Variants in MEIOC observed in about 807,000 individuals in gnomAD.
MEIOC encodes meiosis specific with coiled-coil domain.
MEIOC carries 9 observed loss-of-function variants against 85.3 expected under a neutral mutation model. The ratio of observed to expected loss-of-function variants is 0.11; its 90% CI spans 0.06 to 0.18. The LOEUF is 0.18. Ranked by LOEUF, MEIOC falls within the 10% of genes least tolerant of loss-of-function variation. The pLI is 1.00. For missense variants in MEIOC, 898 were observed against 1,129.4 expected (o/e 0.80, Z 2.94); for synonymous variants, 365 against 393.7 (o/e 0.93, Z 0.86).
rs545811410 is a variant in MEIOC, at chr17:44,661,583, G to A, written c.205-734G>A. Among the ~76,000 whole-genome samples the A allele has an allele frequency of 4.3e-4, 66 of 152,030 alleles. 1 individual carries two copies. Among genetic ancestry groups the A allele is most frequent in the East Asian group, 2.5e-3 (13 of 5,158 alleles). ...TTATTTATTTTTGAGACAGAGTCTCGCTCTGTCGCCCAGGATGGAGTACAG... is the reference window on the plus strand; with the variant it reads ...TTATTTATTTTTGAGACAGAGTCTCACTCTGTCGCCCAGGATGGAGTACAG... On this transcript the variant is annotated intron_variant, in intron 2 of 7. Coordinates refer to ENST00000409122, the MANE Select transcript of MEIOC (RefSeq NM_001145080.3).
Position 44,667,073 on chromosome 17 carries a change from G to T in MEIOC, c.1162G>T (p.Asp388Tyr). The T allele has an allele frequency of 6.2e-7, 1 of 1,613,774 alleles. No homozygotes were observed. The highest frequency in any genetic ancestry group is 8.5e-7 in the Non-Finnish European group (1 of 1,179,762). ...GAAAAAAATGGAGGAGACAATCCCTGATCAGCAGAATTTCACATTTCCAAA... is the reference window on the plus strand; with the variant it reads ...GAAAAAAATGGAGGAGACAATCCCTTATCAGCAGAATTTCACATTTCCAAA... ...NQKKMEETIP[D>Y]QQNFTFPKTT... is the part of the protein sequence containing the mutation. Residue 388 changes from aspartate to tyrosine, a missense_variant, in exon 5 of 8, where the codon GAT (aspartate) becomes TAT (tyrosine). By Grantham distance (160) the Asp-to-Tyr change is radical. Around this residue, in one of 2 missense-constraint regions of MEIOC, gnomAD observed 734 missense variants for 860.1 expected, o/e 0.85. Transcript: ENST00000409122.
rs1972061595 is a variant in MEIOC at position 44,675,344 on chromosome 17, C to T, written c.*1148C>T. The T allele has an allele frequency of 2.1e-6, 2 of 967,756 alleles. No homozygotes were observed. The highest frequency in any genetic ancestry group is 2.5e-6 in the Non-Finnish European group (2 of 814,132). The allele number at this position is 967,756 out of a possible 1,614,324, so 59.9% of individuals were successfully genotyped here. On this transcript the variant is annotated 3_prime_UTR_variant, in exon 8 of 8. Transcript: ENST00000409122. Reference sequence around the variant, plus strand: ...TTGTATAGAACTTGAGTAATTTATTCGTTAATATGAAATGTTGGTATTATG... The same window carrying T: ...TTGTATAGAACTTGAGTAATTTATTTGTTAATATGAAATGTTGGTATTATG...
intron 7 of MEIOC, 114 bp from the exon 8 acceptor site, chr17:44,673,862 T>C (rs1220751938): frequency 2.3e-6 from 3 of 1,291,826 alleles, no homozygotes; most frequent in Non-Finnish European, 2.1e-6. Context: ...AACTATCCTT[T>C]TTTTACAAAA....
In MEIOC at chr17:44,667,394, G is replaced by A. The variant is rs1320302349; in HGVS notation, c.1483G>A (p.Gly495Ser). 6.2e-7 allele frequency: 1 copy of A among 1,613,678 alleles called. No individual in the cohort carries two copies. Among genetic ancestry groups the A allele is most frequent in the Non-Finnish European group, 8.5e-7 (1 of 1,179,842 alleles). The change falls in exon 5 of 8, where the codon GGT becomes AGT. Residue 495 changes from glycine (G) to serine (S), a missense_variant. Gly to Ser is a moderately conservative substitution (Grantham distance 56). Coordinates refer to ENST00000409122, the MANE Select transcript of MEIOC (RefSeq NM_001145080.3). ...CACTCCTATTCCTTATCGAAATCAA[G>A]GTAACTTGATGAAATTAAATAGTCA... ...NNTPIPYRNQGNLMKLNSHLS... is the reference protein window; with the variant it reads ...NNTPIPYRNQSNLMKLNSHLS...
Position 44,674,783 on chromosome 17 carries a change from A to T in MEIOC, c.*587A>T, listed in dbSNP as rs1022058632. The T allele has an allele frequency of 1.0e-6, 1 of 982,670 alleles. No individual in the cohort carries two copies. Among genetic ancestry groups the T allele is most frequent in the Admixed American group, 6.1e-5 (1 of 16,292 alleles). 60.9% of individuals were successfully genotyped at this position (982,670 alleles called of 1,614,324 possible). ...ATTTGGAATCTTAATGCCTAGGTAT[A>T]TGGAGGGAAATGCATCTGATTCTCC... is the stretch of plus-strand genomic sequence containing the variant. On this transcript the variant is annotated 3_prime_UTR_variant, in exon 8 of 8. Coordinates refer to ENST00000409122, the MANE Select transcript of MEIOC (RefSeq NM_001145080.3).
intron 5 of MEIOC, 94 bp from the exon 6 acceptor site, chr17:44,669,289 T>G (rs530877127): frequency 1.1e-6 from 1 of 945,642 alleles, no homozygotes; most frequent in East Asian, 2.6e-5. Flanking sequence ...TTTAAAGTGG[T>G]AATACTCTAT....
At chr17:44,673,744 C>G in intron 7 of MEIOC, 198 bp downstream of exon 7, 1 of 711,860 alleles carries the variant, frequency 1.4e-6, no homozygotes, top group Non-Finnish European at 2.3e-6. Flanking sequence ...TGTTTCAAGA[C>G]AGTCTGTGTT....
rs1481990245 is a variant in MEIOC at position 44,657,244 on chromosome 17, G to C, written c.187G>C (p.Asp63His). 2 of 1,551,982 alleles carry C rather than the reference G, an allele frequency of 1.3e-6. No homozygotes were observed. Among genetic ancestry groups the C allele is most frequent in the South Asian group, 1.2e-5 (1 of 84,052 alleles). Residue 63 changes from aspartate to histidine, a missense_variant, in exon 2 of 8, where the codon GAT becomes CAT. Around this residue, in one of 2 missense-constraint regions of MEIOC, gnomAD observed 734 missense variants for 860.1 expected, o/e 0.85. Transcript: ENST00000409122. Reference sequence around the variant, plus strand: ...GTTGACTGGCTCCGCTTCCTTCTACGATTGCTACACATCGCAGGTCCTTTA... The same window carrying C: ...GTTGACTGGCTCCGCTTCCTTCTACCATTGCTACACATCGCAGGTCCTTTA... Reference protein sequence around the residue: ...VMLTGSASFYDCYTSQSEDNV... With the variant: ...VMLTGSASFYHCYTSQSEDNV...
At position 44,675,076 on chromosome 17, in the gene MEIOC, A is replaced by G. The variant is rs775392384; in HGVS notation, c.*880A>G. The G allele has an allele frequency of 6.7e-4, 661 of 984,876 alleles. 1 individual carries two copies. Among genetic ancestry groups the G allele is most frequent in the Non-Finnish European group, 7.8e-4 (645 of 829,760 alleles). The allele number at this position is 984,876 out of a possible 1,614,324, so 61.0% of individuals were successfully genotyped here. On this transcript the variant is annotated 3_prime_UTR_variant, in exon 8 of 8. Coordinates refer to ENST00000409122, the MANE Select transcript of MEIOC (RefSeq NM_001145080.3). ...AGGGTGTCACGAAGTTCTAAAATGT[A>G]TTTTTTTAAAGGTTAATCTCTAACT...
In MEIOC at chr17:44,675,753, T is replaced by C. The variant is rs1274271737; in HGVS notation, c.*1557T>C. 1.0e-6 allele frequency: 1 copy of C among 965,866 alleles called. No homozygotes were observed. Among genetic ancestry groups the C allele is most frequent in the Non-Finnish European group, 1.2e-6 (1 of 812,192 alleles). The allele number at this position is 965,866 out of a possible 1,614,324, so 59.8% of individuals were successfully genotyped here. ...TGTTGGATGTTATAAAAACAAATAC[T>C]GTACTGAATTTAGTCTCAGGAAAAA... On this transcript the variant is annotated 3_prime_UTR_variant, in exon 8 of 8. Coordinates refer to ENST00000409122, the MANE Select transcript of MEIOC (RefSeq NM_001145080.3).
Position 44,675,719 on chromosome 17 carries a change from C to T in MEIOC, c.*1523C>T, listed in dbSNP as rs2144680621. 1 of 979,856 alleles carries T rather than the reference C, an allele frequency of 1.0e-6. No individual in the cohort carries two copies. The highest frequency in any genetic ancestry group is 4.7e-5 in the South Asian group (1 of 21,186). The allele number at this position is 979,856 out of a possible 1,614,324, so 60.7% of individuals were successfully genotyped here. On this transcript the variant is annotated 3_prime_UTR_variant, in exon 8 of 8. Transcript: ENST00000409122. Reference sequence around the variant, plus strand: ...CTGCATAGAAAGTGGTTAAGTTTAACATAAGACATGTTGGATGTTATAAAA... The same window carrying T: ...CTGCATAGAAAGTGGTTAAGTTTAATATAAGACATGTTGGATGTTATAAAA...
At position 44,666,958 on chromosome 17, in the gene MEIOC, T is replaced by C. The variant is rs773332969; in HGVS notation, c.1047T>C (p.Asp349=). 4 of 1,612,268 alleles carry C rather than the reference T, an allele frequency of 2.5e-6. No individual in the cohort carries two copies. In the Admixed American group the frequency reaches 5.0e-5, roughly 20 times the overall value. ...LNKCSNFSVQ[D]SKKLANGTPE... is the part of the protein sequence containing the mutation. ...AATGTTCAAATTTTAGTGTCCAAGA[T>C]AGCAAAAAATTAGCCAATGGCACAC... is the stretch of plus-strand genomic sequence containing the variant. Residue 349 remains aspartate (D), a synonymous_variant, in exon 5 of 8, where the codon GAT becomes GAC. Coordinates refer to ENST00000409122, the MANE Select transcript of MEIOC (RefSeq NM_001145080.3).
intron 7 of MEIOC, 132 bp from the exon 8 acceptor site, chr17:44,673,844 C>A: frequency 1.8e-6 from 2 of 1,094,590 alleles, no homozygotes; most frequent in South Asian, 1.7e-5. Context: ...GACTTTGGTT[C>A]AATCAATAAC....
At chr17:44,656,927 G>A (rs933567180) in intron 1 of MEIOC, among the ~76,000 whole-genome samples, 200 bp from the exon 2 acceptor site, 1 of 151,852 alleles carries the variant, frequency 6.6e-6, no homozygotes, top group Non-Finnish European at 1.5e-5. Flanking sequence ...GGGGAGGGGC[G>A]CCCCTCGGGG....
rs1971856259 is a variant in MEIOC, at chr17:44,662,587, G to A, written c.359+116G>A. On this transcript the variant is annotated intron_variant, in intron 3 of 7. Coordinates refer to ENST00000409122, the MANE Select transcript of MEIOC (RefSeq NM_001145080.3). The stretch of plus-strand genomic sequence containing the variant: ...TCATTTTACTATTGTGGCATTTTGT[G>A]TTTTTCAAACTTTTAGGAAAGTGTA... 18 of 769,264 alleles carry A rather than the reference G, an allele frequency of 2.3e-5. No homozygotes were observed. The South Asian group carries it at 3.6e-4, about 15-fold the overall frequency. 47.7% of individuals were successfully genotyped at this position (769,264 alleles called of 1,614,324 possible). A position where few individuals can be genotyped will look rare whatever the true frequency, so the allele number is the denominator to read the frequency against.
rs1971901729 is a variant in MEIOC at position 44,666,248 on chromosome 17, T to G, written c.465-128T>G. 8.3e-6 allele frequency: 6 copies of G among 724,592 alleles called. No homozygotes were observed. In the Admixed American group the frequency reaches 1.5e-4, roughly 18 times the overall value. 44.9% of individuals were successfully genotyped at this position (724,592 alleles called of 1,614,324 possible). A position where few individuals can be genotyped will look rare whatever the true frequency, so the allele number is the denominator to read the frequency against. On this transcript the variant is annotated intron_variant, in intron 4 of 7. Transcript: ENST00000409122. Reference sequence around the variant, plus strand: ...GCTAATGGTAGCTTATAAAGCAGAGTTGAAAGGGATTAGAGAATGGTGACA... The same window carrying G: ...GCTAATGGTAGCTTATAAAGCAGAGGTGAAAGGGATTAGAGAATGGTGACA...
chr17:44,675,514 A>C lies in MEIOC; in HGVS notation c.*1318A>C. On this transcript the variant is annotated 3_prime_UTR_variant, in exon 8 of 8. Coordinates refer to ENST00000409122, the MANE Select transcript of MEIOC (RefSeq NM_001145080.3). ...CTTAGTTTTAGAAATTCTGGTATTA[A>C]AAAAAAAAAGAGTGTAATCATACCA... is the stretch of plus-strand genomic sequence containing the variant. 1.1e-6 allele frequency: 1 copy of C among 948,802 alleles called. No individual in the cohort carries two copies. Among genetic ancestry groups the C allele is most frequent in the Non-Finnish European group, 1.3e-6 (1 of 799,546 alleles). The allele number at this position is 948,802 out of a possible 1,614,324, so 58.8% of individuals were successfully genotyped here.
In MEIOC at chr17:44,674,368, C is replaced by T; in HGVS notation, c.*172C>T. The T allele has an allele frequency of 7.1e-7, 1 of 1,398,778 alleles. No individual in the cohort carries two copies. Among genetic ancestry groups the T allele is most frequent in the Non-Finnish European group, 9.3e-7 (1 of 1,077,762 alleles). 86.6% of individuals were successfully genotyped at this position (1,398,778 alleles called of 1,614,324 possible). On this transcript the variant is annotated 3_prime_UTR_variant, in exon 8 of 8. Coordinates refer to ENST00000409122, the MANE Select transcript of MEIOC (RefSeq NM_001145080.3). ...TAAAAATCTTCTATTTGAAGTGAAT[C>T]CGATATAGTTTTAAGTAAACGCAAA...
chr17:44,657,514 A>G (rs1371232770), intron 2 of MEIOC, among the ~76,000 whole-genome samples: 1 of 147,864 alleles, frequency 6.8e-6, no homozygotes, highest in Non-Finnish European at 1.5e-5. Flanking sequence ...TTCCTGAGGC[A>G]CGCGCCACCA....
Sources: allele counts gnomAD v4.1 joint callset (sites outside exome capture counted in the v4.1 genomes callset), GRCh38; gene constraint gnomAD v4.1.1; regional missense constraint gnomAD v4.1.1; transcripts MANE v1.5; gene names NCBI Gene and HGNC (gene_info 2026-07-23, HGNC 2026-07-21).